The following CHIC1 variants were observed in gnomAD, a reference collection of about 807,000 sequenced individuals.
The protein encoded by CHIC1 is cysteine rich hydrophobic domain 1, also known as cysteine-rich hydrophobic domain-containing protein 1.
A neutral mutation model predicts 18.5 loss-of-function variants in CHIC1; 7 were observed. That is an observed-to-expected ratio of 0.38 (90% CI 0.22 to 0.71). CHIC1 has a LOEUF of 0.71. Ranked by LOEUF, CHIC1 falls within the 30% of genes least tolerant of loss-of-function variation. The pLI, the probability that CHIC1 is intolerant of heterozygous loss-of-function variation, is 0.49. For missense variants in CHIC1, 159 were observed against 176.9 expected (o/e 0.90, Z 0.57); for synonymous variants, 77 against 73.5 (o/e 1.05, Z -0.25).
intron 1 of CHIC1, among the ~76,000 whole-genome samples, chrX:73,576,137 A>C (rs182450622): frequency 2.0e-4 from 22 of 109,808 alleles, no homozygotes; most frequent in East Asian, 1.7e-3. Flanking sequence ...TCCTGTGATA[A>C]CAGTACCTTC....
At chrX:73,590,964 G>T (rs1218171150) in intron 3 of CHIC1, among the ~76,000 whole-genome samples, 1 of 111,229 alleles carries the variant, frequency 9.0e-6, no homozygotes, top group Non-Finnish European at 1.9e-5. Context: ...TTTGATGATT[G>T]CTGGATCATG....
chrX:73,625,495 C>T (rs1294375362), intron 3 of CHIC1, among the ~76,000 whole-genome samples: 1 of 111,377 alleles, frequency 9.0e-6, no homozygotes, highest in African/African-American at 3.3e-5. Context: ...ATCAAAAGTT[C>T]AGGCAGCTGT....
intron 1 of CHIC1, among the ~76,000 whole-genome samples, chrX:73,575,774 G>A (rs1165083961): frequency 9.2e-6 from 1 of 109,246 alleles, no homozygotes; most frequent in African/African-American, 3.3e-5. Flanking sequence ...CATATACTTA[G>A]GCTACAATAA....
At chrX:73,674,370 T>C (rs772718954) in intron 3 of CHIC1, among the ~76,000 whole-genome samples, 5 of 112,014 alleles carry the variant, frequency 4.5e-5, no homozygotes, top group African/African-American at 1.6e-4. Context: ...TCCTGGACTT[T>C]TTTTGGTTGG....
At chrX:73,569,974 A>C (rs745386115) in intron 1 of CHIC1, among the ~76,000 whole-genome samples, 8 of 111,551 alleles carry the variant, frequency 7.2e-5, no homozygotes, top group Non-Finnish European at 5.7e-5. Context: ...AAATCCCTTT[A>C]TATATTGGAG....
Position 73,673,004 on chromosome X carries a change from A to T in CHIC1, c.508-6322A>T, listed in dbSNP as rs2058040220. 2.7e-5 allele frequency among the ~76,000 whole-genome samples: 3 copies of T among 111,752 alleles called. No individual in the cohort carries two copies. The Admixed American group carries it at 2.8e-4, about 11-fold the overall frequency. ...CATATGGCTAGCCAGTTTTCCCAGC[A>T]CCATTTATTAAATAGGAAATCCTTT... is the stretch of plus-strand genomic sequence containing the variant. On this transcript the variant is annotated intron_variant, in intron 3 of 5. Coordinates refer to ENST00000373502, the MANE Select transcript of CHIC1 (RefSeq NM_001039840.4).
rs2058117614 is a variant in CHIC1, at chrX:73,685,450, T to G, written c.*4445T>G. Reference sequence around the variant, plus strand: ...TAAAGATTTCATATCCTATCCAACATTTACTTTAGTGTCTAATCAAATTCC... The same window carrying G: ...TAAAGATTTCATATCCTATCCAACAGTTACTTTAGTGTCTAATCAAATTCC... On this transcript the variant is annotated 3_prime_UTR_variant, in exon 6 of 6. Coordinates refer to ENST00000373502, the MANE Select transcript of CHIC1 (RefSeq NM_001039840.4). The G allele has an allele frequency of 8.9e-6, 1 of 111,736 alleles. No homozygotes were observed. Among genetic ancestry groups the G allele is most frequent in the African/African-American group, 3.2e-5 (1 of 30,789 alleles). The allele number at this position is 111,736 out of a possible 1,213,427, so 9.2% of individuals were successfully genotyped here. A position where few individuals can be genotyped will look rare whatever the true frequency, so the allele number is the denominator to read the frequency against.
intron 1 of CHIC1, among the ~76,000 whole-genome samples, chrX:73,567,518 C>G (rs1046874376): frequency 9.0e-6 from 1 of 111,152 alleles, no homozygotes; most frequent in Non-Finnish European, 1.9e-5. Context: ...TCTACCACCA[C>G]TTCATTGATT....
At chrX:73,656,203 C>T (rs1249122308) in intron 3 of CHIC1, among the ~76,000 whole-genome samples, 1 of 111,419 alleles carries the variant, frequency 9.0e-6, no homozygotes, top group East Asian at 2.8e-4. Flanking sequence ...AGATATTAGA[C>T]CTTTTCAGAT....
intron 3 of CHIC1, among the ~76,000 whole-genome samples, chrX:73,616,692 G>C (rs1335611721): frequency 1.8e-5 from 2 of 111,965 alleles, no homozygotes; most frequent in African/African-American, 6.5e-5. Context: ...CCAAGGCTTG[G>C]GGCTTGCTTC....
chrX:73,644,612 C>G (rs967721159), intron 3 of CHIC1, among the ~76,000 whole-genome samples: 1 of 112,396 alleles, frequency 8.9e-6, no homozygotes, highest in Non-Finnish European at 1.9e-5. Context: ...GCCTCACTGC[C>G]GCCTTGCATT....
intron 3 of CHIC1, among the ~76,000 whole-genome samples, chrX:73,644,482 A>G (rs111789975): frequency 0.22 from 24,100 of 111,658 alleles, 2,443 homozygotes; most frequent in African/African-American, 0.39. Context: ...TGCCCCCAGA[A>G]GTGGAGCCTA....
chrX:73,587,393 C>T (rs1269446298), intron 3 of CHIC1, among the ~76,000 whole-genome samples: 2 of 111,572 alleles, frequency 1.8e-5, no homozygotes, highest in Non-Finnish European at 3.8e-5. Context: ...CTTCTATCTA[C>T]CACTGAACCA....
At chrX:73,680,930 A>G (rs1360414718) in intron 5 of CHIC1, 25 bp from the exon 6 acceptor site, 2 of 831,956 alleles carry the variant, frequency 2.4e-6, no homozygotes, top group Admixed American at 5.9e-5. Context: ...TATTTTGTAA[A>G]TATATTCTTG....
intron 3 of CHIC1, among the ~76,000 whole-genome samples, chrX:73,632,549 G>A (rs768330860): frequency 1.8e-5 from 2 of 109,287 alleles, no homozygotes; most frequent in Non-Finnish European, 3.8e-5. Context: ...TTCATTTGTT[G>A]ATTTTTTTTC....
intron 3 of CHIC1, among the ~76,000 whole-genome samples, chrX:73,625,135 G>T (rs1368445301): frequency 9.1e-6 from 1 of 110,164 alleles, no homozygotes; most frequent in Non-Finnish European, 1.9e-5. Context: ...TCATGGAACC[G>T]CAGGCAAAAG....
At chrX:73,671,416 G>A (rs370773745) in intron 3 of CHIC1, among the ~76,000 whole-genome samples, 13 of 111,795 alleles carry the variant, frequency 1.2e-4, no homozygotes, top group Non-Finnish European at 2.3e-4. Flanking sequence ...ACTCCCACAC[G>A]TCAAAAATTT....
At chrX:73,621,032 G>C (rs1200268961) in intron 3 of CHIC1, among the ~76,000 whole-genome samples, 1 of 111,447 alleles carries the variant, frequency 9.0e-6, no homozygotes, top group East Asian at 2.8e-4. Flanking sequence ...TATTTCTGAG[G>C]CCTCTGTTCT....
chrX:73,601,526 C>A (rs1287835952), intron 3 of CHIC1, among the ~76,000 whole-genome samples: 1 of 106,352 alleles, frequency 9.4e-6, no homozygotes, highest in African/African-American at 3.7e-5. Flanking sequence ...AACAAAGACA[C>A]AACATACCAG....
Sources: allele counts gnomAD v4.1 joint callset (sites outside exome capture counted in the v4.1 genomes callset), GRCh38; gene constraint gnomAD v4.1.1; transcripts MANE v1.5; gene names NCBI Gene and HGNC (gene_info 2026-07-23, HGNC 2026-07-21).